The following GPC5 variants were observed in gnomAD, a reference collection of about 807,000 sequenced individuals.
GPC5 encodes glypican-5.
In GPC5, 47 loss-of-function variants were observed where a neutral mutation model predicts 53.9. The observed-to-expected ratio is 0.87, with a 90% CI of 0.69 to 1.11. GPC5 has a LOEUF of 1.11. Ranked by LOEUF, GPC5 falls within the 50% of genes most tolerant of loss-of-function variation. The pLI, the probability that GPC5 is intolerant of heterozygous loss-of-function variation, is 0.00. For missense variants in GPC5, 748 were observed against 713.1 expected (o/e 1.05, Z -0.56); for synonymous variants, 286 against 263.3 (o/e 1.09, Z -0.84).
chr13:92,084,452 G>C (rs2041320770), intron 6 of GPC5, among the ~76,000 whole-genome samples: 1 of 152,204 alleles, frequency 6.6e-6, no homozygotes, highest in Non-Finnish European at 1.5e-5. Context: ...TTGGCCAAGA[G>C]TCAGTTGAGT....
chr13:92,309,641 A>G (rs1192829595), intron 7 of GPC5, among the ~76,000 whole-genome samples: 1 of 152,124 alleles, frequency 6.6e-6, no homozygotes, highest in Non-Finnish European at 1.5e-5. Flanking sequence ...TTTTAAATAC[A>G]TAAAACATGA....
intron 7 of GPC5, among the ~76,000 whole-genome samples, chr13:92,574,023 A>G (rs1277744043): frequency 1.3e-5 from 2 of 152,146 alleles, no homozygotes; most frequent in African/African-American, 4.8e-5. Flanking sequence ...CTGGGGAGGT[A>G]TTCTTCCAAG....
At chr13:91,963,737 GATAA>G (rs759368898) in intron 6 of GPC5, among the ~76,000 whole-genome samples, 19 of 152,042 alleles carry the variant, frequency 1.2e-4, no homozygotes, top group Non-Finnish European at 2.4e-4. Context: ...TAAGAATAGG[GATAA>G]ATAAATAAAA....
intron 6 of GPC5, among the ~76,000 whole-genome samples, chr13:92,057,527 T>G (rs996322392): frequency 6.6e-6 from 1 of 152,194 alleles, no homozygotes; most frequent in Admixed American, 6.5e-5. Flanking sequence ...TTGAATTTAG[T>G]AATGTGCTCC....
intron 7 of GPC5, among the ~76,000 whole-genome samples, chr13:92,781,119 T>C (rs1201297538): frequency 6.6e-6 from 1 of 152,134 alleles, no homozygotes; most frequent in Non-Finnish European, 1.5e-5. Context: ...CTTAGCTAAA[T>C]AGCTATAATG....
rs142745622 is a variant in GPC5 at position 92,694,785 on chromosome 13, T to G, written c.1562-171497T>G. Reference sequence around the variant, plus strand: ...ATTCTTGGGAAGACATGATTGTGTTTTGAAATGTGAAAATGACCTGAGATT... The same window carrying G: ...ATTCTTGGGAAGACATGATTGTGTTGTGAAATGTGAAAATGACCTGAGATT... On this transcript the variant is annotated intron_variant, in intron 7 of 7. Coordinates refer to ENST00000377067, the MANE Select transcript of GPC5 (RefSeq NM_004466.6). 2.4e-3 allele frequency among the ~76,000 whole-genome samples: 372 copies of G among 152,274 alleles called. 2 individuals carry two copies. Among genetic ancestry groups the G allele is most frequent in the African/African-American group, 8.6e-3 (356 of 41,566 alleles).
chr13:92,575,901 C>A (rs536616393), intron 7 of GPC5, among the ~76,000 whole-genome samples: 1 of 152,202 alleles, frequency 6.6e-6, no homozygotes, highest in African/African-American at 2.4e-5. Context: ...ATTTTTGGTT[C>A]CCTGGCACAT....
At chr13:92,834,255 A>AT (rs1401939413) in intron 7 of GPC5, among the ~76,000 whole-genome samples, 1 of 152,144 alleles carries the variant, frequency 6.6e-6, no homozygotes, top group African/African-American at 2.4e-5. Context: ...CAAGATAATT[A>AT]TTTTTATTTT....
intron 5 of GPC5, among the ~76,000 whole-genome samples, chr13:91,797,201 A>T (rs906103567): frequency 7.2e-5 from 11 of 152,092 alleles, no homozygotes; most frequent in African/African-American, 2.7e-4. Flanking sequence ...CAGAATCCTC[A>T]TTTTTAGATT....
chr13:92,265,294 T>C (rs2042795565), intron 7 of GPC5, among the ~76,000 whole-genome samples: 1 of 152,148 alleles, frequency 6.6e-6, no homozygotes, highest in Admixed American at 6.5e-5. Flanking sequence ...TTTTACTATA[T>C]CCAGTTAAAA....
intron 2 of GPC5, among the ~76,000 whole-genome samples, chr13:91,457,405 A>C (rs899511694): frequency 6.6e-6 from 1 of 152,096 alleles, no homozygotes; most frequent in Admixed American, 6.6e-5. Flanking sequence ...AAACTCAATA[A>C]TGTATCTATT....
chr13:91,909,169 A>G (rs910070702), intron 6 of GPC5, among the ~76,000 whole-genome samples: 1 of 152,228 alleles, frequency 6.6e-6, no homozygotes, highest in Non-Finnish European at 1.5e-5. Flanking sequence ...GGCAAAACCC[A>G]AAATAAATTC....
At chr13:92,325,397 A>G (rs2043244142) in intron 7 of GPC5, among the ~76,000 whole-genome samples, 1 of 152,078 alleles carries the variant, frequency 6.6e-6, no homozygotes, top group African/African-American at 2.4e-5. Context: ...AATGGAGGCA[A>G]AACATAAACA....
chr13:91,704,553 C>T (rs1367092997), intron 3 of GPC5, among the ~76,000 whole-genome samples: 2 of 152,168 alleles, frequency 1.3e-5, no homozygotes, highest in South Asian at 2.1e-4. Flanking sequence ...TGATGAGTCA[C>T]CTCAAATTGC....
At chr13:92,636,116 T>C (rs762133177) in intron 7 of GPC5, among the ~76,000 whole-genome samples, 1 of 152,236 alleles carries the variant, frequency 6.6e-6, no homozygotes, top group Non-Finnish European at 1.5e-5. Context: ...TTAACCTTTC[T>C]ACTGAAGTTT....
chr13:91,827,866 T>TC (rs2038598302), intron 5 of GPC5, among the ~76,000 whole-genome samples: 1 of 151,992 alleles, frequency 6.6e-6, no homozygotes, highest in African/African-American at 2.4e-5. Context: ...TTAAAATATA[T>TC]CCATATAAAG....
chr13:91,923,338 A>G (rs903023950), intron 6 of GPC5, among the ~76,000 whole-genome samples: 1 of 152,278 alleles, frequency 6.6e-6, no homozygotes, highest in East Asian at 1.9e-4. Flanking sequence ...CAATTCCTGG[A>G]TATATTTCTT....
chr13:92,583,723 C>A (rs1209711686), intron 7 of GPC5, among the ~76,000 whole-genome samples: 1 of 152,190 alleles, frequency 6.6e-6, no homozygotes, highest in African/African-American at 2.4e-5. Flanking sequence ...TTCCTCTTAT[C>A]TTCTCAAACC....
chr13:91,589,355 C>T (rs960756474), intron 2 of GPC5, among the ~76,000 whole-genome samples: 1 of 152,008 alleles, frequency 6.6e-6, no homozygotes, highest in African/African-American at 2.4e-5. Context: ...CTCTCTCTCT[C>T]TCCCCACCAC....
Sources: gnomAD v4.1 joint callset for allele counts (sites outside exome capture counted in the v4.1 genomes callset) on GRCh38, gnomAD v4.1.1 for gene constraint, MANE v1.5 for transcripts, NCBI Gene and HGNC (gene_info 2026-07-23, HGNC 2026-07-21) for gene names.